MAPK9: variants seen among roughly 807,000 people sequenced by gnomAD.
MAPK9 encodes mitogen-activated protein kinase 9.
MAPK9 carries 30 observed loss-of-function variants against 57.1 expected under a neutral mutation model. The ratio of observed to expected loss-of-function variants is 0.53; its 90% CI spans 0.39 to 0.71. The LOEUF is 0.71. MAPK9 is among the 30% of genes least tolerant of loss of function. The pLI, the probability that MAPK9 is intolerant of heterozygous loss-of-function variation, is 0.00. For missense variants in MAPK9, 362 were observed against 521.0 expected, an observed-to-expected ratio of 0.69 and a Z score of 2.97; for synonymous variants, 155 against 177.0, an observed-to-expected ratio of 0.88 and a Z score of 0.99.
chr5:180,269,469 C>T (rs1253080124), intron 2 of MAPK9, 60 bp from the exon 3 acceptor site: 8 of 1,443,062 alleles, frequency 5.5e-6, no homozygotes, highest in Non-Finnish European at 7.8e-6. Context: ...TACAGCAATG[C>T]CAGAATATAC....
At chr5:180,286,208 T>TGG (rs1762747516) in intron 1 of MAPK9, among the ~76,000 whole-genome samples, 1 of 140,064 alleles carries the variant, frequency 7.1e-6, no homozygotes. Flanking sequence ...TGCAGTGGCA[T>TGG]GATCTCGGCT....
chr5:180,268,032 G>A (rs1215348711), intron 3 of MAPK9, among the ~76,000 whole-genome samples: 1 of 151,858 alleles, frequency 6.6e-6, no homozygotes, highest in African/African-American at 2.4e-5. Flanking sequence ...CACCATGTTA[G>A]CCAGGATGGT....
At position 180,270,782 on chromosome 5, in the gene MAPK9, G is replaced by A. The variant is rs1328317724; in HGVS notation, c.123-1373C>T. Among the ~76,000 whole-genome samples the A allele has an allele frequency of 3.6e-4, 53 of 146,348 alleles. 1 individual carries two copies. In the Admixed American group the frequency reaches 3.7e-3, roughly 10 times the overall value. On this transcript the variant is annotated intron_variant, in intron 2 of 11. Coordinates refer to ENST00000452135, the MANE Select transcript of MAPK9 (RefSeq NM_002752.5). ...GGGAGGACTGCTTGAGCCGGGGGTCGAGACTGCAGTGAGCACTGATCCCTC... is the reference window on the plus strand; with the variant it reads ...GGGAGGACTGCTTGAGCCGGGGGTCAAGACTGCAGTGAGCACTGATCCCTC...
intron 5 of MAPK9, among the ~76,000 whole-genome samples, chr5:180,253,963 CTTTTTT>C (rs5873681): frequency 9.1e-6 from 1 of 109,358 alleles, no homozygotes; most frequent in African/African-American, 3.5e-5. Flanking sequence ...GCTTCAATCT[CTTTTTT>C]TTTTTTTTTT....
At chr5:180,268,200 T>C (rs529917542) in intron 3 of MAPK9, among the ~76,000 whole-genome samples, 3 of 152,200 alleles carry the variant, frequency 2.0e-5, no homozygotes, top group Non-Finnish European at 4.4e-5. Flanking sequence ...AACAATGTGC[T>C]TGATTGAACC....
chr5:180,244,646 C>A (rs1375391206), intron 7 of MAPK9, among the ~76,000 whole-genome samples: 2 of 151,854 alleles, frequency 1.3e-5, no homozygotes, highest in Admixed American at 1.3e-4. Flanking sequence ...TGGTGGCGGG[C>A]GCCTGTAATC....
Position 180,235,979 on chromosome 5 carries a change from T to C in MAPK9, c.*405A>G, listed in dbSNP as rs1228638754. ...TAAGAGATAACTTCAGAAGCAGCAC[T>C]ACCTGGAAGATTATTTGGCATTTAA... On this transcript the variant is annotated 3_prime_UTR_variant, in exon 12 of 12. Transcript: ENST00000452135. 1 of 155,066 alleles carries C rather than the reference T, an allele frequency of 6.4e-6. No individual in the cohort carries two copies. Among genetic ancestry groups the C allele is most frequent in the East Asian group, 1.9e-4 (1 of 5,274 alleles). 9.6% of individuals were successfully genotyped at this position (155,066 alleles called of 1,614,324 possible).
intron 11 of MAPK9, 95 bp from the exon 12 acceptor site, chr5:180,236,621 T>C: frequency 7.2e-7 from 1 of 1,387,404 alleles, no homozygotes; most frequent in East Asian, 2.4e-5. Context: ...GCTCTGTCCT[T>C]TTGCAGTTTC....
intron 1 of MAPK9, among the ~76,000 whole-genome samples, chr5:180,290,587 C>T (rs1763142443): frequency 6.6e-6 from 1 of 152,224 alleles, no homozygotes; most frequent in South Asian, 2.1e-4. Flanking sequence ...TGGAAGAAAG[C>T]TACAGCTAAA....
At chr5:180,282,406 G>C (rs1421083179) in intron 1 of MAPK9, among the ~76,000 whole-genome samples, 2 of 152,216 alleles carry the variant, frequency 1.3e-5, no homozygotes, top group East Asian at 3.8e-4. Flanking sequence ...AGCGCGAGCA[G>C]TGAGTCCATT....
At position 180,233,848 on chromosome 5, in the gene MAPK9, G is replaced by C. The variant is rs1476980741; in HGVS notation, c.*2536C>G. 6.6e-6 allele frequency: 1 copy of C among 152,230 alleles called. No individual in the cohort carries two copies. Among genetic ancestry groups the C allele is most frequent in the Admixed American group, 6.5e-5 (1 of 15,284 alleles). The allele number at this position is 152,230 out of a possible 1,614,324, so 9.4% of individuals were successfully genotyped here. A position where few individuals can be genotyped will look rare whatever the true frequency, so the allele number is the denominator to read the frequency against. On this transcript the variant is annotated 3_prime_UTR_variant, in exon 12 of 12. Coordinates refer to ENST00000452135, the MANE Select transcript of MAPK9 (RefSeq NM_002752.5). The stretch of plus-strand genomic sequence containing the variant: ...CGCTCCGTGTTTCAGACACGGACTT[G>C]GGGTGGGCAAGGGGCCCTGTAAGAG...
At chr5:180,252,339 CA>C (rs1758799362) in intron 5 of MAPK9, among the ~76,000 whole-genome samples, 1 of 152,190 alleles carries the variant, frequency 6.6e-6, no homozygotes, top group African/African-American at 2.4e-5. Flanking sequence ...CCTTGACATG[CA>C]CAGCAGCTGC....
intron 2 of MAPK9, among the ~76,000 whole-genome samples, chr5:180,271,929 T>C (rs1441605400): frequency 6.6e-6 from 1 of 152,250 alleles, no homozygotes; most frequent in Non-Finnish European, 1.5e-5. Flanking sequence ...TAGATTATTA[T>C]TAGTTTTTAC....
Position 180,239,802 on chromosome 5 carries a change from C to T in MAPK9, c.1060+122G>A, listed in dbSNP as rs1341941472. 4 of 852,218 alleles carry T rather than the reference C, an allele frequency of 4.7e-6. No homozygotes were observed. The East Asian group carries it at 1.0e-4, about 22-fold the overall frequency. The allele number at this position is 852,218 out of a possible 1,614,324, so 52.8% of individuals were successfully genotyped here. A position where few individuals can be genotyped will look rare whatever the true frequency, so the allele number is the denominator to read the frequency against. On this transcript the variant is annotated intron_variant, in intron 10 of 11. Transcript: ENST00000452135. ...CTACTGGAAACTGGGGAGAAAGAGG[C>T]TAAGTGGGTCGCAGGGTTTCTTGCC... is the stretch of plus-strand genomic sequence containing the variant.
At chr5:180,256,633 C>T (rs763246345) in intron 5 of MAPK9, among the ~76,000 whole-genome samples, 2 of 152,084 alleles carry the variant, frequency 1.3e-5, no homozygotes, top group African/African-American at 4.8e-5. Context: ...GGGATGGCAA[C>T]AGGGCCATTT....
chr5:180,240,044 C>T, intron 9 of MAPK9, 57 bp from the exon 10 acceptor site: 5 of 1,364,196 alleles, frequency 3.7e-6, no homozygotes, highest in Non-Finnish European at 5.2e-6. Flanking sequence ...AAATGAGGCA[C>T]TAAAAAAGGT....
At chr5:180,248,872 C>T in intron 6 of MAPK9, 101 bp downstream of exon 6, 2 of 1,248,620 alleles carry the variant, frequency 1.6e-6, no homozygotes, top group Non-Finnish European at 2.2e-6. Context: ...ACAGTCCCCA[C>T]AGTATATATC....
intron 2 of MAPK9, among the ~76,000 whole-genome samples, chr5:180,272,070 A>G (rs1437187127): frequency 2.0e-5 from 3 of 152,072 alleles, no homozygotes. Flanking sequence ...AGCTTCTTAC[A>G]TTATTGTTGT....
chr5:180,274,799 T>C (rs1001343385), intron 2 of MAPK9, among the ~76,000 whole-genome samples: 1 of 152,244 alleles, frequency 6.6e-6, no homozygotes, highest in Non-Finnish European at 1.5e-5. Context: ...TAATGTGTTA[T>C]GCAGCAATAG....
Sources: gnomAD v4.1 joint callset for allele counts (sites outside exome capture counted in the v4.1 genomes callset) on GRCh38, gnomAD v4.1.1 for gene constraint, MANE v1.5 for transcripts, NCBI Gene and HGNC (gene_info 2026-07-23, HGNC 2026-07-21) for gene names.